Variants in ARHGAP15 observed in about 807,000 individuals in gnomAD.
ARHGAP15 encodes the protein rho GTPase-activating protein 15.
In ARHGAP15, 51 loss-of-function variants were observed where a neutral mutation model predicts 63.7. The ratio of observed to expected loss-of-function variants is 0.80; its 90% CI spans 0.64 to 1.01. ARHGAP15 has a LOEUF of 1.01. Ranked by LOEUF, ARHGAP15 falls within the 50% of genes least tolerant of loss-of-function variation. The pLI is 0.00. For missense variants in ARHGAP15, 560 were observed against 564.6 expected (o/e 0.99, Z 0.08); for synonymous variants, 191 against 193.8 (o/e 0.99, Z 0.12).
intron 2 of ARHGAP15, among the ~76,000 whole-genome samples, chr2:143,198,539 A>G (rs1316963721): frequency 3.3e-5 from 5 of 152,262 alleles, no homozygotes; most frequent in African/African-American, 7.2e-5. Context: ...ACATTTTTCT[A>G]TGAAACCTTA....
chr2:143,730,151 T>C (rs1298248595), intron 13 of ARHGAP15, among the ~76,000 whole-genome samples: 1 of 152,200 alleles, frequency 6.6e-6, no homozygotes, highest in African/African-American at 2.4e-5. Context: ...GGTTTGTTAG[T>C]AACATGACTG....
intron 6 of ARHGAP15, among the ~76,000 whole-genome samples, chr2:143,282,107 T>C (rs556268294): frequency 2.6e-5 from 4 of 152,246 alleles, no homozygotes; most frequent in African/African-American, 9.6e-5. Context: ...GTAAATAAAT[T>C]TGTAAATATC....
At chr2:143,622,706 G>A (rs952865986) in intron 11 of ARHGAP15, among the ~76,000 whole-genome samples, 1 of 143,926 alleles carries the variant, frequency 6.9e-6, no homozygotes, top group Non-Finnish European at 1.5e-5. Context: ...TCACCTTCAT[G>A]TCTTCTCTTT....
At chr2:143,673,318 G>A (rs541455215) in intron 12 of ARHGAP15, among the ~76,000 whole-genome samples, 20 of 152,110 alleles carry the variant, frequency 1.3e-4, no homozygotes, top group African/African-American at 4.8e-4. Context: ...CTTTTTTTTA[G>A]ACGGAGTCTC....
chr2:143,647,732 T>G (rs1179328198), intron 12 of ARHGAP15, among the ~76,000 whole-genome samples: 2 of 152,066 alleles, frequency 1.3e-5, no homozygotes, highest in Non-Finnish European at 2.9e-5. Context: ...CATACGTCGC[T>G]TTATATAATG....
intron 5 of ARHGAP15, among the ~76,000 whole-genome samples, chr2:143,246,464 A>G (rs1694048357): frequency 6.6e-6 from 1 of 152,120 alleles, no homozygotes; most frequent in Middle Eastern, 3.4e-3. Context: ...AAGCTTTCAG[A>G]GAGCAGTGGC....
At chr2:143,458,346 G>A (rs1455244343) in intron 8 of ARHGAP15, among the ~76,000 whole-genome samples, 1 of 152,176 alleles carries the variant, frequency 6.6e-6, no homozygotes, top group African/African-American at 2.4e-5. Context: ...TGCAGCTATA[G>A]TGAACGGCAT....
intron 6 of ARHGAP15, among the ~76,000 whole-genome samples, chr2:143,278,701 T>G (rs931057925): frequency 6.6e-6 from 1 of 152,080 alleles, no homozygotes; most frequent in Non-Finnish European, 1.5e-5. Flanking sequence ...AATACTAAAT[T>G]GACTACTACA....
At chr2:143,447,363 A>C (rs1690189582) in intron 8 of ARHGAP15, among the ~76,000 whole-genome samples, 1 of 152,228 alleles carries the variant, frequency 6.6e-6, no homozygotes, top group African/African-American at 2.4e-5. Context: ...TTTGTTGACT[A>C]AAGTAAACAT....
chr2:143,378,935 C>T (rs1686930300), intron 6 of ARHGAP15, among the ~76,000 whole-genome samples: 1 of 151,858 alleles, frequency 6.6e-6, no homozygotes, highest in African/African-American at 2.4e-5. Context: ...TTTGATGTTA[C>T]ATGTGATAAA....
chr2:143,637,732 G>A (rs1292497925), intron 12 of ARHGAP15, among the ~76,000 whole-genome samples: 1 of 136,792 alleles, frequency 7.3e-6, no homozygotes, highest in Non-Finnish European at 1.6e-5. Context: ...CAAATATTGT[G>A]CCAAAAAAAA....
intron 6 of ARHGAP15, among the ~76,000 whole-genome samples, chr2:143,345,406 G>A (rs1685226228): frequency 6.6e-6 from 1 of 152,026 alleles, no homozygotes; most frequent in South Asian, 2.1e-4. Flanking sequence ...ACATCACTAG[G>A]TTACCAAAAT....
chr2:143,204,368 G>C (rs916164158), intron 3 of ARHGAP15, among the ~76,000 whole-genome samples: 1 of 152,068 alleles, frequency 6.6e-6, no homozygotes, highest in Non-Finnish European at 1.5e-5. Context: ...CTAGAGGCTG[G>C]AAGTCCAAGA....
chr2:143,273,897 TC>T (rs1248660530), intron 6 of ARHGAP15, among the ~76,000 whole-genome samples: 1 of 152,154 alleles, frequency 6.6e-6, no homozygotes, highest in Non-Finnish European at 1.5e-5. Flanking sequence ...GGAGTTCAAA[TC>T]TTTTTTAATG....
intron 5 of ARHGAP15, among the ~76,000 whole-genome samples, chr2:143,240,391 T>C (rs1191151708): frequency 6.6e-6 from 1 of 152,132 alleles, no homozygotes; most frequent in Non-Finnish European, 1.5e-5. Flanking sequence ...ATAGTTTCAA[T>C]CAGAAAGCTA....
intron 9 of ARHGAP15, among the ~76,000 whole-genome samples, chr2:143,492,596 C>T (rs1246312222): frequency 9.4e-4 from 2 of 2,136 alleles, no homozygotes; most frequent in East Asian, 0.077. Context: ...TGTCTCTCTA[C>T]AAAAAGTGAA....
intron 8 of ARHGAP15, among the ~76,000 whole-genome samples, chr2:143,467,926 A>T (rs1362860981): frequency 1.3e-5 from 2 of 152,108 alleles, no homozygotes; most frequent in African/African-American, 4.8e-5. Flanking sequence ...TAGTTCATCT[A>T]TCTTTGCCAT....
intron 6 of ARHGAP15, among the ~76,000 whole-genome samples, chr2:143,288,448 A>G (rs1218766436): frequency 6.6e-6 from 1 of 152,220 alleles, no homozygotes; most frequent in African/African-American, 2.4e-5. Flanking sequence ...CAAACTTGAA[A>G]AAAAATAGTG....
At chr2:143,623,862 G>T (rs1698737536) in intron 11 of ARHGAP15, among the ~76,000 whole-genome samples, 1 of 152,178 alleles carries the variant, frequency 6.6e-6, no homozygotes, top group Non-Finnish European at 1.5e-5. Flanking sequence ...TGCATTATGG[G>T]AATAAACGTA....
Sources: allele counts gnomAD v4.1 joint callset (sites outside exome capture counted in the v4.1 genomes callset), GRCh38; gene constraint gnomAD v4.1.1; transcripts MANE v1.5; gene names NCBI Gene and HGNC (gene_info 2026-07-23, HGNC 2026-07-21).